Variants in KANSL1 observed in about 807,000 individuals in gnomAD.
KANSL1 encodes the protein MLL1/MLL complex subunit KANSL1.
In KANSL1, 22 loss-of-function variants were observed where a neutral mutation model predicts 103.6. The ratio of observed to expected loss-of-function variants is 0.21; its 90% CI spans 0.15 to 0.30. The LOEUF (loss-of-function observed/expected upper bound fraction) is 0.30. KANSL1 is among the 10% of genes least tolerant of loss of function. KANSL1 has a pLI of 1.00. For synonymous variants in KANSL1, 600 were observed against 527.6 expected, an observed-to-expected ratio of 1.14 and a Z score of -1.88; for missense variants, 1,337 against 1,399.8, an observed-to-expected ratio of 0.96 and a Z score of 0.72.
chr17:46,047,275 T>G (rs1459874021), intron 7 of KANSL1, among the ~76,000 whole-genome samples: 1 of 152,236 alleles, frequency 6.6e-6, no homozygotes, highest in Non-Finnish European at 1.5e-5. Flanking sequence ...TTATCTAATG[T>G]TTGATCAACT....
intron 10 of KANSL1, among the ~76,000 whole-genome samples, chr17:46,036,427 A>G (rs1302808290): frequency 2.7e-5 from 4 of 148,938 alleles, no homozygotes; most frequent in Non-Finnish European, 4.5e-5. Flanking sequence ...TATTTGGGGG[A>G]AAAAAATTGT....
At chr17:46,194,133 G>GGGA (rs2047521917), upstream of KANSL1, among the ~76,000 whole-genome samples, 1 of 152,200 alleles carries the variant, frequency 6.6e-6, no homozygotes, top group South Asian at 2.1e-4. Context: ...AGGGACAGCC[G>GGGA]GGAGCCAGAG....
At chr17:46,157,952 T>C (rs2045519097) in intron 2 of KANSL1, among the ~76,000 whole-genome samples, 1 of 152,260 alleles carries the variant, frequency 6.6e-6, no homozygotes, top group Non-Finnish European at 1.5e-5. Flanking sequence ...TTTCGCCCAG[T>C]TGGAAATCTA....
intron 1 of KANSL1, among the ~76,000 whole-genome samples, chr17:46,189,329 C>T (rs1040221277): frequency 7.2e-5 from 11 of 152,144 alleles, no homozygotes; most frequent in Admixed American, 1.3e-4. Context: ...TCCCTCCCCT[C>T]TAAACTCAAG....
chr17:46,169,031 A>T (rs2046149233), intron 2 of KANSL1, among the ~76,000 whole-genome samples: 1 of 152,262 alleles, frequency 6.6e-6, no homozygotes, highest in African/African-American at 2.4e-5. Flanking sequence ...CGTATCCTGA[A>T]AACAATACGC....
chr17:46,076,420 C>CA (rs759050347), intron 4 of KANSL1, among the ~76,000 whole-genome samples: 26 of 150,180 alleles, frequency 1.7e-4, no homozygotes, highest in Non-Finnish European at 2.7e-4. Context: ...CACTTGAACC[C>CA]AGGAGGTGGA....
At chr17:46,095,141 T>C (rs1236622956) in intron 2 of KANSL1, among the ~76,000 whole-genome samples, 3 of 152,188 alleles carry the variant, frequency 2.0e-5, no homozygotes, top group African/African-American at 4.8e-5. Flanking sequence ...TTAAGTACCA[T>C]TCATAACACC....
At chr17:46,075,924 G>A (rs1239653906) in intron 4 of KANSL1, among the ~76,000 whole-genome samples, 1 of 152,038 alleles carries the variant, frequency 6.6e-6, no homozygotes, top group African/African-American at 2.4e-5. Context: ...TCCTTCCCTA[G>A]GAAACTACCT....
At chr17:46,144,284 T>C (rs891728485) in intron 2 of KANSL1, among the ~76,000 whole-genome samples, 1 of 152,198 alleles carries the variant, frequency 6.6e-6, no homozygotes, top group African/African-American at 2.4e-5. Flanking sequence ...AATCAAAAAA[T>C]GTTTGTTGAA....
chr17:46,193,452 A>AGCGC (rs1389534797), upstream of KANSL1: 1 of 151,856 alleles, frequency 6.6e-6, no homozygotes, highest in Non-Finnish European at 1.5e-5. Flanking sequence ...CAAGCGGGCG[A>AGCGC]GCGCCGGGGA....
intron 1 of KANSL1, among the ~76,000 whole-genome samples, chr17:46,174,522 T>C (rs1015278797): frequency 2.6e-5 from 4 of 152,236 alleles, no homozygotes; most frequent in African/African-American, 9.7e-5. Flanking sequence ...TTTAACAGAC[T>C]TGTGACGATA....
chr17:46,192,278 A>G (rs1158536817), intron 1 of KANSL1: 1 of 152,078 alleles, frequency 6.6e-6, no homozygotes, highest in Non-Finnish European at 1.5e-5. Flanking sequence ...CAACTCACTT[A>G]AAAGCAAATA....
chr17:46,127,742 C>A (rs192784371), intron 2 of KANSL1, among the ~76,000 whole-genome samples: 235 of 151,558 alleles, frequency 1.6e-3, no homozygotes, highest in African/African-American at 5.6e-3. Flanking sequence ...TGCACCAATG[C>A]ACTCCAGCCT....
intron 6 of KANSL1, among the ~76,000 whole-genome samples, chr17:46,054,900 G>A (rs2077862620): frequency 1.3e-5 from 2 of 150,494 alleles, no homozygotes; most frequent in African/African-American, 4.9e-5. Context: ...GCCCAGGCTG[G>A]AGTGCAGTGG....
At chr17:46,202,768 C>T (rs1490563294) in intron 1 of KANSL1, among the ~76,000 whole-genome samples, 1 of 152,146 alleles carries the variant, frequency 6.6e-6, no homozygotes, top group Non-Finnish European at 1.5e-5. Flanking sequence ...ATTAGACTGA[C>T]AAAAATTATA....
At chr17:46,137,829 T>C (rs1481897946) in intron 2 of KANSL1, among the ~76,000 whole-genome samples, 1 of 148,498 alleles carries the variant, frequency 6.7e-6, no homozygotes, top group Admixed American at 6.7e-5. Flanking sequence ...ATCACGCCAC[T>C]GCACTCAGGT....
chr17:46,185,973 A>G (rs998097568), intron 1 of KANSL1, among the ~76,000 whole-genome samples: 2 of 145,898 alleles, frequency 1.4e-5, no homozygotes, highest in Admixed American at 1.4e-4. Context: ...CAAAAGACAG[A>G]GGAAAAAAAA....
intron 2 of KANSL1, among the ~76,000 whole-genome samples, chr17:46,107,086 G>A (rs2042599103): frequency 1.3e-5 from 2 of 152,226 alleles, no homozygotes; most frequent in African/African-American, 4.8e-5. Context: ...GGTAACCCAA[G>A]TTTGGCATTT....
intron 14 of KANSL1, 169 bp downstream of exon 14, chr17:46,031,878 A>G: frequency 3.8e-6 from 4 of 1,065,094 alleles, no homozygotes; most frequent in Non-Finnish European, 4.1e-6. Context: ...TTGATCATTT[A>G]GCAGTGATCA....
Sources: gnomAD v4.1 joint callset for allele counts (sites outside exome capture counted in the v4.1 genomes callset) on GRCh38, gnomAD v4.1.1 for gene constraint, MANE v1.5 for transcripts, NCBI Gene and HGNC (gene_info 2026-07-23, HGNC 2026-07-21) for gene names.